The following MDGA2 variants were observed in gnomAD, a reference collection of about 807,000 sequenced individuals.
The protein encoded by MDGA2 is MAM domain-containing glycosylphosphatidylinositol anchor protein 2.
A neutral mutation model predicts 117.8 loss-of-function variants in MDGA2; 40 were observed. The ratio of observed to expected loss-of-function variants is 0.34; its 90% confidence interval spans 0.26 to 0.44. MDGA2 has a LOEUF of 0.44. Among genes scored for constraint, MDGA2 ranks in the 20% least tolerant of loss-of-function variants. The pLI is 1.00. For synonymous variants in MDGA2, 452 were observed against 439.0 expected, an observed-to-expected ratio of 1.03 and a Z score of -0.37; for missense variants, 1,123 against 1,250.6, an observed-to-expected ratio of 0.90 and a Z score of 1.54.
intron 2 of MDGA2, among the ~76,000 whole-genome samples, chr14:47,296,075 T>G (rs1889062921): frequency 6.6e-6 from 1 of 152,044 alleles, no homozygotes; most frequent in East Asian, 1.9e-4. Flanking sequence ...AAAATATCAT[T>G]TTGAAGCTGT....
At chr14:47,607,045 T>C (rs79101203) in intron 1 of MDGA2, among the ~76,000 whole-genome samples, 4,992 of 152,276 alleles carry the variant, frequency 0.033, 285 homozygotes, top group African/African-American at 0.11. Flanking sequence ...TGCACTATTG[T>C]TTGCTAAAGA....
At chr14:46,955,013 CAT>C (rs909435994) in intron 9 of MDGA2, among the ~76,000 whole-genome samples, 1 of 151,942 alleles carries the variant, frequency 6.6e-6, no homozygotes, top group Non-Finnish European at 1.5e-5. Flanking sequence ...TGGGGTATAA[CAT>C]AGAATGATAT....
In MDGA2 at chr14:47,226,216, CATAAATAAATAA is replaced by C. The variant is rs201861877; in HGVS notation, c.421-8033_421-8022del. 3.1e-3 allele frequency among the ~76,000 whole-genome samples: 444 copies of C among 142,900 alleles called. 1 individual carries two copies. In the Middle Eastern group the frequency reaches 0.036, roughly 12 times the overall value. 93.7% of individuals were successfully genotyped at this position (142,900 alleles called of 152,430 possible). ...GCAACAGAGTGAGACACTGTCTCAC[CATAAATAAATAA>C]ATAAATAAATAAATAAATAAATAAA... On this transcript the variant is annotated intron_variant, in intron 2 of 16. Coordinates refer to ENST00000399232, the MANE Select transcript of MDGA2 (RefSeq NM_001113498.3).
At chr14:47,483,933 T>TA (rs1894004590) in intron 1 of MDGA2, among the ~76,000 whole-genome samples, 2 of 152,292 alleles carry the variant, frequency 1.3e-5, no homozygotes, top group South Asian at 4.1e-4. Context: ...CCAGTATTGG[T>TA]AAAAAGTACC....
intron 6 of MDGA2, among the ~76,000 whole-genome samples, chr14:47,075,981 C>T (rs1403526163): frequency 6.6e-6 from 1 of 151,982 alleles, no homozygotes; most frequent in Middle Eastern, 3.4e-3. Context: ...AAAACTATCA[C>T]CAATATAAAA....
At chr14:47,389,608 A>ACACACACC (rs1555378655) in intron 1 of MDGA2, among the ~76,000 whole-genome samples, 71 of 96,060 alleles carry the variant, frequency 7.4e-4, no homozygotes, top group East Asian at 4.9e-3. Context: ...ACACACACCC[A>ACACACACC]CACACACACA....
intron 8 of MDGA2, among the ~76,000 whole-genome samples, chr14:47,002,553 C>A (rs1887569463): frequency 2.0e-5 from 3 of 151,874 alleles, no homozygotes; most frequent in Admixed American, 2.0e-4. Context: ...TATGGCAAAA[C>A]CCTGTCTCTA....
chr14:46,897,176 T>C (rs1196261472), intron 10 of MDGA2, among the ~76,000 whole-genome samples: 1 of 152,188 alleles, frequency 6.6e-6, no homozygotes, highest in African/African-American at 2.4e-5. Flanking sequence ...ATTTAGATTA[T>C]TGTTCTCTAC....
intron 1 of MDGA2, among the ~76,000 whole-genome samples, chr14:47,437,544 T>C (rs1389269210): frequency 1.3e-5 from 2 of 152,154 alleles, no homozygotes; most frequent in Non-Finnish European, 2.9e-5. Flanking sequence ...TCCTCATGTC[T>C]TGTACTCAAA....
chr14:47,348,453 C>A (rs932832692), intron 1 of MDGA2, among the ~76,000 whole-genome samples: 3 of 152,088 alleles, frequency 2.0e-5, no homozygotes, highest in African/African-American at 2.4e-5. Context: ...TTCAGGTGAT[C>A]CGCCCACCTC....
intron 1 of MDGA2, among the ~76,000 whole-genome samples, chr14:47,322,622 C>G (rs1185568312): frequency 6.6e-6 from 1 of 152,114 alleles, no homozygotes; most frequent in African/African-American, 2.4e-5. Flanking sequence ...AAAACGCAAC[C>G]TGCACGTAAG....
At chr14:47,028,102 C>CTA (rs1299015049) in intron 8 of MDGA2, among the ~76,000 whole-genome samples, 1 of 151,980 alleles carries the variant, frequency 6.6e-6, no homozygotes, top group Non-Finnish European at 1.5e-5. Context: ...AGTGGTAAAA[C>CTA]TAAGATTCTA....
chr14:47,207,379 G>GC (rs1162116750), intron 3 of MDGA2, among the ~76,000 whole-genome samples: 1 of 151,906 alleles, frequency 6.6e-6, no homozygotes, highest in African/African-American at 2.4e-5. Flanking sequence ...ACTGTGATAA[G>GC]CATTGAATTT....
chr14:47,317,253 C>G (rs1889836001), intron 1 of MDGA2, among the ~76,000 whole-genome samples: 1 of 152,050 alleles, frequency 6.6e-6, no homozygotes, highest in African/African-American at 2.4e-5. Flanking sequence ...TACAGGTACT[C>G]AAAATCTTTT....
chr14:46,931,033 G>A (rs1884551441), intron 9 of MDGA2, among the ~76,000 whole-genome samples: 1 of 151,900 alleles, frequency 6.6e-6, no homozygotes, highest in African/African-American at 2.4e-5. Context: ...TGACTAACAT[G>A]GTGAAACATC....
In MDGA2 at chr14:47,242,468, C is replaced by T. The variant is rs541938819; in HGVS notation, c.421-24273G>A. Among the ~76,000 whole-genome samples the T allele has an allele frequency of 2.0e-5, 3 of 151,962 alleles. No individual in the cohort carries two copies. The South Asian group carries it at 6.3e-4, about 32-fold the overall frequency. On this transcript the variant is annotated intron_variant, in intron 2 of 16. Transcript: ENST00000399232. ...GGAGAGGCACGAGCGGGAACCGGGG[C>T]TGCGTGTGGCGCTTGCGGGGCAGCT...
intron 1 of MDGA2, among the ~76,000 whole-genome samples, chr14:47,452,026 C>T (rs1273733593): frequency 6.6e-6 from 1 of 152,040 alleles, no homozygotes; most frequent in Non-Finnish European, 1.5e-5. Context: ...ATATGGTGCA[C>T]ATTTTCAAGG....
chr14:47,142,166 G>A (rs544940528), intron 4 of MDGA2, among the ~76,000 whole-genome samples: 34 of 152,184 alleles, frequency 2.2e-4, no homozygotes, highest in Admixed American at 1.6e-3. Context: ...CCATATAGCC[G>A]GGCACGGTGG....
intron 1 of MDGA2, among the ~76,000 whole-genome samples, chr14:47,310,469 A>T (rs899739173): frequency 1.3e-5 from 2 of 152,080 alleles, no homozygotes; most frequent in Non-Finnish European, 2.9e-5. Context: ...AAATCCATCA[A>T]ATATCTAACT....
Sources: allele counts gnomAD v4.1 joint callset (sites outside exome capture counted in the v4.1 genomes callset), GRCh38; gene constraint gnomAD v4.1.1; transcripts MANE v1.5; gene names NCBI Gene and HGNC (gene_info 2026-07-23, HGNC 2026-07-21).